The following APCDD1 variants were observed in gnomAD, a reference collection of about 807,000 sequenced individuals.
The protein encoded by APCDD1 is APC down-regulated 1, also known as protein APCDD1.
APCDD1 carries 15 observed loss-of-function variants against 38.1 expected under a neutral mutation model. The ratio of observed to expected loss-of-function variants is 0.39; its 90% confidence interval spans 0.26 to 0.61. The LOEUF is 0.61. Among genes scored for constraint, APCDD1 ranks in the 20% least tolerant of loss-of-function variants. APCDD1 has a pLI of 0.49. For synonymous variants in APCDD1, 261 were observed against 279.7 expected (o/e 0.93, Z 0.67); for missense variants, 647 against 696.2 (o/e 0.93, Z 0.79).
intron 2 of APCDD1, 140 bp downstream of exon 2, chr18:10,468,792 C>T (rs2030781766): frequency 1.1e-6 from 1 of 894,884 alleles, no homozygotes; most frequent in Non-Finnish European, 1.7e-6. Flanking sequence ...AGAACCAAAC[C>T]ACTCTTTGAA....
Position 10,485,457 on chromosome 18 carries a change from T to G in APCDD1, c.775-5T>G, listed in dbSNP as rs1432572969. ...CCTCTGAATGTGTTTGTTTCTTGGCTTCAGAACCACGACCATGCCTGCATC... is the reference window on the plus strand; with the variant it reads ...CCTCTGAATGTGTTTGTTTCTTGGCGTCAGAACCACGACCATGCCTGCATC... On this transcript the variant is annotated splice_polypyrimidine_tract_variant and splice_region_variant and intron_variant, in intron 3 of 4. Coordinates refer to ENST00000355285, the MANE Select transcript of APCDD1 (RefSeq NM_153000.5). This position sits in a 1 kb window ranked among gnomAD's most constrained non-coding sequence, Gnocchi z 5.8. 6.2e-7 allele frequency: 1 copy of G among 1,613,836 alleles called. No individual in the cohort carries two copies. Among genetic ancestry groups the G allele is most frequent in the Admixed American group, 1.7e-5 (1 of 60,020 alleles).
chr18:10,466,771 T>G (rs538256619), intron 1 of APCDD1, among the ~76,000 whole-genome samples: 13 of 152,320 alleles, frequency 8.5e-5, no homozygotes, highest in African/African-American at 2.6e-4. Context: ...AGGCAGAGTT[T>G]TCATGTTTAG....
rs3748413 is a variant in APCDD1 at position 10,471,776 on chromosome 18, C to G, written c.489C>G (p.Leu163=). 197,100 of 1,612,920 alleles carry G rather than the reference C, an allele frequency of 0.12. 12,596 individuals carry two copies. The highest frequency in any genetic ancestry group is 0.17 in the Middle Eastern group (1,036 of 6,058). ...ACACAGAGGCGGTGGCCGAGAAGCT[C>G]GGCCAGCAGGTGAACCGCACATGCC... ...ICHTEAVAEK[L]GQQVNRTCPG... The change falls in exon 3 of 5, where the codon CTC becomes CTG. Residue 163 remains leucine, a synonymous_variant. Coordinates refer to ENST00000355285, the MANE Select transcript of APCDD1 (RefSeq NM_153000.5). The surrounding 1 kb of genome is among the most constrained non-coding windows in gnomAD (Gnocchi z 5.5).
At position 10,467,800 on chromosome 18, in the gene APCDD1, G is replaced by A. The variant is rs945942767; in HGVS notation, c.59-669G>A. Among the ~76,000 whole-genome samples, 5 of 152,174 alleles carry A rather than the reference G, an allele frequency of 3.3e-5. No individual in the cohort carries two copies. The highest frequency in any genetic ancestry group is 3.9e-4 in the East Asian group (2 of 5,182). ...TAGGAGGGTGCAAGGTTCACACCAC[G>A]TGGTGAGCAGCCCTGTAGAGGGCAT... On this transcript the variant is annotated intron_variant, in intron 1 of 4. Coordinates refer to ENST00000355285, the MANE Select transcript of APCDD1 (RefSeq NM_153000.5). This position sits in a 1 kb window ranked among gnomAD's most constrained non-coding sequence, Gnocchi z 4.8.
chr18:10,460,171 C>T (rs1444339639), intron 1 of APCDD1, among the ~76,000 whole-genome samples: 2 of 152,136 alleles, frequency 1.3e-5, no homozygotes, highest in Non-Finnish European at 2.9e-5. Flanking sequence ...CAATATAGAT[C>T]GGCAGGTGAA....
intron 3 of APCDD1, among the ~76,000 whole-genome samples, chr18:10,473,269 G>A (rs1379235168): frequency 1.3e-5 from 2 of 152,088 alleles, no homozygotes; most frequent in Non-Finnish European, 2.9e-5. Context: ...TAATGAAATA[G>A]CTACTGAGAA....
chr18:10,473,857 G>A (rs1213622173), intron 3 of APCDD1, among the ~76,000 whole-genome samples: 1 of 151,770 alleles, frequency 6.6e-6, no homozygotes, highest in African/African-American at 2.4e-5. Context: ...GTTTGAGATA[G>A]TAGCAGGAGA....
At chr18:10,464,524 G>T (rs1399002800) in intron 1 of APCDD1, among the ~76,000 whole-genome samples, 1 of 152,332 alleles carries the variant, frequency 6.6e-6, no homozygotes, top group African/African-American at 2.4e-5. Context: ...CTGGGCTCAT[G>T]TGATCCTCCC....
At chr18:10,483,822 C>T (rs2031190840) in intron 3 of APCDD1, among the ~76,000 whole-genome samples, 13 of 152,202 alleles carry the variant, frequency 8.5e-5, no homozygotes, top group Admixed American at 8.5e-4. Context: ...CAGCCTGATC[C>T]GATCGGCACG....
rs569515768 is a variant in APCDD1 at position 10,472,635 on chromosome 18, C to T, written c.774+574C>T. The stretch of plus-strand genomic sequence containing the variant: ...GGTTATGGCTCCTGCCCAGGCCACG[C>T]GGCTACTGAGTTTTCCTGCTGGACC... On this transcript the variant is annotated intron_variant, in intron 3 of 4. Transcript: ENST00000355285. The surrounding 1 kb of genome is among the most constrained non-coding windows in gnomAD (Gnocchi z 6.6). Among the ~76,000 whole-genome samples the T allele has an allele frequency of 3.3e-5, 5 of 152,258 alleles. No individual in the cohort carries two copies. In the East Asian group the frequency reaches 5.8e-4, roughly 18 times the overall value.
Position 10,476,506 on chromosome 18 carries a change from A to C in APCDD1, c.774+4445A>C, listed in dbSNP as rs1052328381. On this transcript the variant is annotated intron_variant, in intron 3 of 4. Coordinates refer to ENST00000355285, the MANE Select transcript of APCDD1 (RefSeq NM_153000.5). The surrounding 1 kb of genome is among the most constrained non-coding windows in gnomAD (Gnocchi z 5.8). The stretch of plus-strand genomic sequence containing the variant: ...CCATAATCCTCTGCCGAGATTCTTC[A>C]GAACTATGCAGTTGGAGGGGTAGAA... The C allele has an allele frequency of 1.3e-5, 2 of 152,256 alleles. No homozygotes were observed. Among genetic ancestry groups the C allele is most frequent in the African/African-American group, 4.8e-5 (2 of 41,466 alleles). 9.4% of individuals were successfully genotyped at this position (152,256 alleles called of 1,614,324 possible).
chr18:10,478,689 C>T (rs2031064190), intron 3 of APCDD1, among the ~76,000 whole-genome samples: 2 of 152,190 alleles, frequency 1.3e-5, no homozygotes, highest in South Asian at 4.2e-4. Context: ...TCCTCACATT[C>T]GTGGTAAGGA....
chr18:10,486,087 C>T (rs1034324319), intron 4 of APCDD1, among the ~76,000 whole-genome samples: 1 of 152,162 alleles, frequency 6.6e-6, no homozygotes, highest in Non-Finnish European at 1.5e-5. Context: ...TGCGGAGGCT[C>T]ATGCCTGTAA....
chr18:10,458,231 C>T (rs1018812433), intron 1 of APCDD1, among the ~76,000 whole-genome samples: 1 of 152,170 alleles, frequency 6.6e-6, no homozygotes, highest in Non-Finnish European at 1.5e-5. Flanking sequence ...ATGTTCTATT[C>T]CCACACCCTG....
intron 2 of APCDD1, among the ~76,000 whole-genome samples, chr18:10,468,937 G>A (rs958289957): frequency 6.6e-6 from 1 of 152,220 alleles, no homozygotes; most frequent in Admixed American, 6.5e-5. Context: ...GACCACTTGT[G>A]TATAAAAAGA....
rs1366227721 is a variant in APCDD1, at chr18:10,467,187, A to G, written c.59-1282A>G. Among the ~76,000 whole-genome samples, 1 of 152,240 alleles carries G rather than the reference A, an allele frequency of 6.6e-6. No homozygotes were observed. The highest frequency in any genetic ancestry group is 2.4e-5 in the African/African-American group (1 of 41,464). On this transcript the variant is annotated intron_variant, in intron 1 of 4. Coordinates refer to ENST00000355285, the MANE Select transcript of APCDD1 (RefSeq NM_153000.5). This position sits in a 1 kb window ranked among gnomAD's most constrained non-coding sequence, Gnocchi z 4.8. ...CCTGCAGGTCTCAGTTTATCCAGGT[A>G]GATTTTCGTCATGTTGCTGTAAGTG...
chr18:10,459,150 T>C (rs1454030719), intron 1 of APCDD1, among the ~76,000 whole-genome samples: 2 of 152,258 alleles, frequency 1.3e-5, no homozygotes, highest in Non-Finnish European at 2.9e-5. Flanking sequence ...TGCCACCACT[T>C]GCCAGGTCCA....
chr18:10,473,884 C>A (rs1011506818), intron 3 of APCDD1, among the ~76,000 whole-genome samples: 4 of 150,398 alleles, frequency 2.7e-5, no homozygotes, highest in Admixed American at 6.6e-5. Context: ...TTCATACCTA[C>A]CTTTGGCTCG....
chr18:10,455,147 C>A, intron 1 of APCDD1, 108 bp downstream of exon 1: 1 of 1,469,848 alleles, frequency 6.8e-7, no homozygotes, highest in Non-Finnish European at 9.0e-7. Flanking sequence ...CTACACTGTC[C>A]CCTTGGCGGG....
Sources: allele counts gnomAD v4.1 joint callset (sites outside exome capture counted in the v4.1 genomes callset), GRCh38; gene constraint gnomAD v4.1.1; non-coding constraint Gnocchi (gnomAD v3.1); transcripts MANE v1.5; gene names NCBI Gene and HGNC (gene_info 2026-07-23, HGNC 2026-07-21).